Variants in CSMD1 observed in about 807,000 individuals in gnomAD.
CSMD1 encodes CUB and Sushi multiple domains 1.
Under a neutral mutation model 417.5 loss-of-function variants are expected in CSMD1, and 213 were observed. The observed-to-expected ratio is 0.51, with a 90% CI of 0.46 to 0.57. The LOEUF is 0.57. CSMD1 is among the 20% of genes least tolerant of loss of function. The pLI is 0.00. For missense variants in CSMD1, 6,923 were observed against 4,529.7 expected, an observed-to-expected ratio of 1.53 and a Z score of -15.17; for synonymous variants, 2,862 against 1,736.8, an observed-to-expected ratio of 1.65 and a Z score of -16.11.
chr8:4,314,678 T>A (rs1798819937), intron 3 of CSMD1, among the ~76,000 whole-genome samples: 1 of 152,156 alleles, frequency 6.6e-6, no homozygotes, highest in Admixed American at 6.5e-5. Flanking sequence ...AAGTGTTAGG[T>A]CAAAATGCCT....
chr8:3,616,723 C>G lies in CSMD1; in HGVS notation c.1084G>C (p.Gly362Arg), dbSNP rs1434670524. 16 of 1,610,658 alleles carry G rather than the reference C, an allele frequency of 9.9e-6. No homozygotes were observed. The highest frequency in any genetic ancestry group is 1.3e-5 in the Non-Finnish European group (15 of 1,177,470). Reference protein sequence around the residue: ...PGIPENGRRAGSDFRVGANVQ... With the variant: ...PGIPENGRRARSDFRVGANVQ... ...TGTATCTCTTACCTGAAGTCGGAAC[C>G]TGCTCTTCTACCATTTTCTGGAATC... Residue 362 changes from glycine to arginine, a missense_variant, in exon 8 of 70, where the codon GGT (glycine) becomes CGT (arginine). Transcript: ENST00000635120.
At chr8:3,500,955 A>G (rs1365906958) in intron 10 of CSMD1, among the ~76,000 whole-genome samples, 1 of 152,216 alleles carries the variant, frequency 6.6e-6, no homozygotes, top group African/African-American at 2.4e-5. Context: ...AATAAGAATG[A>G]TTCAATAAGT....
chr8:4,874,234 C>T (rs1334946242), intron 1 of CSMD1, among the ~76,000 whole-genome samples: 3 of 152,062 alleles, frequency 2.0e-5, no homozygotes, highest in Non-Finnish European at 2.9e-5. Flanking sequence ...GTATAATTGG[C>T]CGTGGTTTTC....
At chr8:4,334,214 T>C (rs1431849536) in intron 3 of CSMD1, among the ~76,000 whole-genome samples, 1 of 152,092 alleles carries the variant, frequency 6.6e-6, no homozygotes, top group Non-Finnish European at 1.5e-5. Context: ...GCCCTTAAAA[T>C]TCTGTTTGTA....
At chr8:4,222,360 GTAAA>G (rs1801083670) in intron 3 of CSMD1, among the ~76,000 whole-genome samples, 1 of 140 alleles carries the variant, frequency 7.1e-3, no homozygotes, top group Non-Finnish European at 0.015. Flanking sequence ...GTCTTATTCT[GTAAA>G]CAGAATAAGA....
chr8:4,159,772 T>G (rs1797044189), intron 3 of CSMD1, among the ~76,000 whole-genome samples: 1 of 152,106 alleles, frequency 6.6e-6, no homozygotes, highest in African/African-American at 2.4e-5. Flanking sequence ...ATATTTTTAG[T>G]AGAGATGGGG....
Position 4,325,397 on chromosome 8 carries a change from G to C in CSMD1, c.415+94556C>G, listed in dbSNP as rs147252862. Among the ~76,000 whole-genome samples, 585 of 152,252 alleles carry C rather than the reference G, an allele frequency of 3.8e-3. 5 individuals carry two copies. The highest frequency in any genetic ancestry group is 0.013 in the African/African-American group (534 of 41,540). Reference sequence around the variant, plus strand: ...GAGACAGACCTCCAAATCCCACTGTGATCTGCCTTAGAAGGAACTCTACAG... The same window carrying C: ...GAGACAGACCTCCAAATCCCACTGTCATCTGCCTTAGAAGGAACTCTACAG... On this transcript the variant is annotated intron_variant, in intron 3 of 69. Coordinates refer to ENST00000635120, the MANE Select transcript of CSMD1 (RefSeq NM_033225.6).
At chr8:3,469,102 A>AG (rs1414574202) in intron 11 of CSMD1, 23 of 282,324 alleles carry the variant, frequency 8.1e-5, no homozygotes, top group Non-Finnish European at 1.5e-4. Flanking sequence ...TTTTCCTGGA[A>AG]CCGAGAGGCT....
intron 66 of CSMD1, among the ~76,000 whole-genome samples, chr8:2,950,770 G>A (rs968189536): frequency 2.0e-5 from 3 of 152,102 alleles, no homozygotes; most frequent in Non-Finnish European, 2.9e-5. Context: ...TTAATTGTGT[G>A]ATGATTTTAA....
At chr8:4,724,445 A>G (rs957372748) in intron 1 of CSMD1, among the ~76,000 whole-genome samples, 1 of 152,014 alleles carries the variant, frequency 6.6e-6, no homozygotes, top group Non-Finnish European at 1.5e-5. Context: ...AGATTCAAAT[A>G]TAATATTTAC....
At chr8:4,496,975 C>G (rs991578289) in intron 2 of CSMD1, among the ~76,000 whole-genome samples, 2 of 152,032 alleles carry the variant, frequency 1.3e-5, no homozygotes, top group African/African-American at 4.8e-5. Context: ...AGCTACAAAA[C>G]GAAAGGGAGA....
At chr8:3,698,636 C>G (rs549274314) in intron 7 of CSMD1, among the ~76,000 whole-genome samples, 1 of 152,148 alleles carries the variant, frequency 6.6e-6, no homozygotes, top group East Asian at 1.9e-4. Context: ...AAAGCAAGAC[C>G]TGATGATGAG....
At chr8:3,350,076 T>C (rs969053120) in intron 21 of CSMD1, among the ~76,000 whole-genome samples, 4 of 140,980 alleles carry the variant, frequency 2.8e-5, no homozygotes, top group Non-Finnish European at 6.1e-5. Flanking sequence ...TATGTGTGTG[T>C]TATAATACCT....
chr8:4,665,453 C>A (rs549852990), intron 1 of CSMD1, among the ~76,000 whole-genome samples: 14 of 152,300 alleles, frequency 9.2e-5, no homozygotes, highest in South Asian at 6.2e-4. Context: ...GATTCAAACT[C>A]CACAGCTAAC....
intron 50 of CSMD1, among the ~76,000 whole-genome samples, chr8:3,035,823 A>G (rs973910733): frequency 2.0e-5 from 3 of 152,190 alleles, no homozygotes; most frequent in African/African-American, 7.2e-5. Context: ...TTGCCAGTTT[A>G]CCTTATATTT....
At chr8:3,694,994 A>C (rs2129034488) in intron 7 of CSMD1, among the ~76,000 whole-genome samples, 1 of 152,098 alleles carries the variant, frequency 6.6e-6, no homozygotes, top group East Asian at 1.9e-4. Context: ...GTTTTTAAAG[A>C]TGATTAGGAC....
At chr8:4,494,091 C>T (rs1801860963) in intron 2 of CSMD1, among the ~76,000 whole-genome samples, 1 of 151,952 alleles carries the variant, frequency 6.6e-6, no homozygotes, top group African/African-American at 2.4e-5. Context: ...CACAAGGCTT[C>T]CAAAGGGAGG....
At chr8:4,370,964 G>C (rs1265678953) in intron 3 of CSMD1, among the ~76,000 whole-genome samples, 1 of 152,214 alleles carries the variant, frequency 6.6e-6, no homozygotes, top group Non-Finnish European at 1.5e-5. Flanking sequence ...TTGCTGGCGA[G>C]CTAGTGTGAT....
chr8:4,773,972 G>C (rs1468083871), intron 1 of CSMD1, among the ~76,000 whole-genome samples: 2 of 152,162 alleles, frequency 1.3e-5, no homozygotes, highest in Non-Finnish European at 2.9e-5. Context: ...GAGGTGGGTG[G>C]ATCGCCTCAG....
Sources: gnomAD v4.1 joint callset for allele counts (sites outside exome capture counted in the v4.1 genomes callset) on GRCh38, gnomAD v4.1.1 for gene constraint, MANE v1.5 for transcripts, NCBI Gene and HGNC (gene_info 2026-07-23, HGNC 2026-07-21) for gene names.